The following TRIM44 variants were observed in gnomAD, a reference collection of about 807,000 sequenced individuals.
TRIM44 encodes tripartite motif containing 44.
In TRIM44, 13 loss-of-function variants were observed where a neutral mutation model predicts 37.4. The observed-to-expected ratio is 0.35, with a 90% CI of 0.23 to 0.55. The LOEUF (loss-of-function observed/expected upper bound fraction) is 0.55, where lower values mean the gene tolerates loss of function less well. Ranked by LOEUF, TRIM44 falls within the 20% of genes least tolerant of loss-of-function variation. TRIM44 has a pLI of 0.89. For synonymous variants in TRIM44, 175 were observed against 157.2 expected (o/e 1.11, Z -0.85); for missense variants, 426 against 437.2 (o/e 0.97, Z 0.23).
At chr11:35,749,247 G>A (rs1409671936) in intron 4 of TRIM44, among the ~76,000 whole-genome samples, 1 of 152,198 alleles carries the variant, frequency 6.6e-6, no homozygotes, top group African/African-American at 2.4e-5. Context: ...TTAAGAAAAG[G>A]TAAAGGAAGG....
In TRIM44 at chr11:35,663,180, C is replaced by A. The variant is rs201198741; in HGVS notation, c.69C>A (p.Pro23=). Residue 23 remains proline (P), a synonymous_variant, in exon 1 of 5, where the codon CCC becomes CCA. Transcript: ENST00000299413. ...PHDGTCDECE[P]DEAPGAEEVC... ...ACGGCACGTGTGACGAGTGCGAGCC[C>A]GACGAGGCTCCGGGGGCCGAGGAAG... 5.7e-6 allele frequency: 9 copies of A among 1,578,810 alleles called. No homozygotes were observed. The highest frequency in any genetic ancestry group is 2.4e-5 in the South Asian group (2 of 84,432).
chr11:35,804,072 G>A (rs1853407685), intron 4 of TRIM44, among the ~76,000 whole-genome samples: 1 of 151,728 alleles, frequency 6.6e-6, no homozygotes, highest in Non-Finnish European at 1.5e-5. Context: ...GGCAACTCCC[G>A]TGTTCATCTT....
intron 2 of TRIM44, among the ~76,000 whole-genome samples, chr11:35,713,591 AATC>A (rs989024781): frequency 2.6e-5 from 4 of 151,656 alleles, no homozygotes; most frequent in African/African-American, 9.7e-5. Flanking sequence ...AAGGAGGACT[AATC>A]ATACTATATT....
intron 1 of TRIM44, among the ~76,000 whole-genome samples, chr11:35,682,034 C>T (rs1851526281): frequency 6.9e-6 from 1 of 145,952 alleles, no homozygotes; most frequent in South Asian, 2.2e-4. Flanking sequence ...TCTTGGCTCA[C>T]TGTAGCCTCT....
rs747824360 is a variant in TRIM44, at chr11:35,806,335, C to CTGGTTCTCCT, written c.1008-21_1008-12dup. 4.0e-5 allele frequency: 64 copies of CTGGTTCTCCT among 1,613,528 alleles called. 1 individual carries two copies. In the South Asian group the frequency reaches 7.0e-4, roughly 18 times the overall value. On this transcript the variant is annotated intron_variant, in intron 4 of 4. Transcript: ENST00000299413. ...CCCTTCTTGTGATATCTTAACTCAC[C>CTGGTTCTCCT]TGGTTCTCCTTTTCCTTTGTAGTGG...
intron 4 of TRIM44, among the ~76,000 whole-genome samples, chr11:35,788,779 G>A (rs573656924): frequency 1.4e-3 from 209 of 152,308 alleles, no homozygotes; most frequent in African/African-American, 4.9e-3. Flanking sequence ...AGAGGCCTTA[G>A]TCCCACCAGG....
intron 1 of TRIM44, among the ~76,000 whole-genome samples, chr11:35,676,988 T>C (rs1046610392): frequency 1.3e-5 from 2 of 152,228 alleles, no homozygotes; most frequent in Admixed American, 6.5e-5. Flanking sequence ...TCCAGAGATA[T>C]GAGAAAAATA....
intron 2 of TRIM44, among the ~76,000 whole-genome samples, chr11:35,719,756 A>T (rs571695777): frequency 2.4e-4 from 37 of 152,198 alleles, no homozygotes; most frequent in South Asian, 1.0e-3. Flanking sequence ...GATTATTATT[A>T]TTTTTTCATG....
chr11:35,796,239 T>C (rs1853286266), intron 4 of TRIM44, among the ~76,000 whole-genome samples: 1 of 144,946 alleles, frequency 6.9e-6, no homozygotes, highest in African/African-American at 2.4e-5. Context: ...CGCGCGCACG[T>C]GTGTGTATCT....
chr11:35,744,394 C>T (rs1031317136), intron 4 of TRIM44, among the ~76,000 whole-genome samples: 2 of 152,142 alleles, frequency 1.3e-5, no homozygotes, highest in East Asian at 1.9e-4. Flanking sequence ...TATTAACTAG[C>T]TTTACGTAAT....
Position 35,726,284 on chromosome 11 carries a change from G to A in TRIM44, c.987+121G>A, listed in dbSNP as rs1226637201. 2.3e-6 allele frequency: 3 copies of A among 1,290,310 alleles called. No individual in the cohort carries two copies. The Admixed American group carries it at 6.9e-5, about 30-fold the overall frequency. The allele number at this position is 1,290,310 out of a possible 1,614,324, so 79.9% of individuals were successfully genotyped here. A position where few individuals can be genotyped will look rare whatever the true frequency, so the allele number is the denominator to read the frequency against. On this transcript the variant is annotated intron_variant, in intron 3 of 4. Transcript: ENST00000299413. ...ATTGAAGTCTAGGTAGAGTATAAGT[G>A]TTTCACATGGTGTATAAACCAGTAT...
rs1853541541 is a variant in TRIM44, at chr11:35,812,728, C to T, written c.*6343C>T. The T allele has an allele frequency of 1.3e-5, 2 of 152,274 alleles. No homozygotes were observed. The highest frequency in any genetic ancestry group is 2.1e-4 in the South Asian group (1 of 4,828). The allele number at this position is 152,274 out of a possible 1,614,324, so 9.4% of individuals were successfully genotyped here. A position where few individuals can be genotyped will look rare whatever the true frequency, so the allele number is the denominator to read the frequency against. On this transcript the variant is annotated 3_prime_UTR_variant, in exon 5 of 5. Coordinates refer to ENST00000299413, the MANE Select transcript of TRIM44 (RefSeq NM_017583.6). ...CCCTACAACTACCCCCACACATGTA[C>T]AGTATGGCCTTGGGGCAAAGGAGTT...
At chr11:35,688,936 AAGT>A (rs1851611676) in intron 2 of TRIM44, among the ~76,000 whole-genome samples, 1 of 152,146 alleles carries the variant, frequency 6.6e-6, no homozygotes, top group Non-Finnish European at 1.5e-5. Context: ...TTCTTTGAAC[AAGT>A]AGAAGAGCCC....
At chr11:35,663,826 T>C in intron 1 of TRIM44, 46 bp downstream of exon 1, 1 of 1,551,880 alleles carries the variant, frequency 6.4e-7, no homozygotes, top group East Asian at 2.3e-5. Flanking sequence ...TCAGGACACC[T>C]GGGTTTCAAC....
At chr11:35,783,150 T>C (rs147463497) in intron 4 of TRIM44, among the ~76,000 whole-genome samples, 25 of 152,314 alleles carry the variant, frequency 1.6e-4, no homozygotes, top group Admixed American at 5.9e-4. Flanking sequence ...TTTATAGAGG[T>C]ATCTGAGTAA....
At chr11:35,744,230 T>G (rs1450009760) in intron 4 of TRIM44, among the ~76,000 whole-genome samples, 2 of 152,184 alleles carry the variant, frequency 1.3e-5, no homozygotes, top group African/African-American at 4.8e-5. Context: ...TAACTGGAAT[T>G]TATATAAACA....
At chr11:35,789,272 A>G (rs188630025) in intron 4 of TRIM44, among the ~76,000 whole-genome samples, 66 of 152,220 alleles carry the variant, frequency 4.3e-4, no homozygotes, top group African/African-American at 1.5e-3. Flanking sequence ...TGATATATTT[A>G]TTGTTCTATA....
intron 2 of TRIM44, among the ~76,000 whole-genome samples, chr11:35,697,017 A>G (rs1032136374): frequency 1.3e-5 from 2 of 152,152 alleles, no homozygotes; most frequent in Admixed American, 1.3e-4. Flanking sequence ...AACCTTAAAG[A>G]CAAATCTTTC....
At chr11:35,702,747 C>T (rs139885717) in intron 2 of TRIM44, among the ~76,000 whole-genome samples, 41 of 152,304 alleles carry the variant, frequency 2.7e-4, no homozygotes, top group African/African-American at 8.2e-4. Flanking sequence ...CATTAATAGA[C>T]GATACAATAG....
Sources: gnomAD v4.1 joint callset for allele counts (sites outside exome capture counted in the v4.1 genomes callset) on GRCh38, gnomAD v4.1.1 for gene constraint, MANE v1.5 for transcripts, NCBI Gene and HGNC (gene_info 2026-07-23, HGNC 2026-07-21) for gene names.